SRPK2: variants seen among roughly 807,000 people sequenced by gnomAD.
The protein encoded by SRPK2 is SFRS protein kinase 2.
SRPK2 carries 21 observed loss-of-function variants against 90.8 expected under a neutral mutation model. That is an observed-to-expected ratio of 0.23 (90% CI 0.16 to 0.33). The LOEUF (loss-of-function observed/expected upper bound fraction) is 0.33, where lower values mean the gene tolerates loss of function less well. Ranked by LOEUF, SRPK2 falls within the 10% of genes least tolerant of loss-of-function variation. The pLI is 1.00. For missense variants in SRPK2, 620 were observed against 869.0 expected (o/e 0.71, Z 3.60); for synonymous variants, 288 against 311.1 (o/e 0.93, Z 0.78).
chr7:105,141,937 T>C, intron 11 of SRPK2, 71 bp downstream of exon 11: 1 of 1,526,934 alleles, frequency 6.5e-7, no homozygotes, highest in Non-Finnish European at 8.8e-7. Context: ...AGCCAATTCC[T>C]TCACAGCATT....
intron 2 of SRPK2, among the ~76,000 whole-genome samples, chr7:105,204,391 C>T (rs758911978): frequency 1.3e-5 from 2 of 152,016 alleles, no homozygotes; most frequent in South Asian, 2.1e-4. Flanking sequence ...ATTCTGGAAG[C>T]GGTGTGTGTG....
At position 105,118,096 on chromosome 7, in the gene SRPK2, C is replaced by G. The variant is rs972779217; in HGVS notation, c.1916-74G>C. ...TCCCCATTGTTGGTCCAGTCAGGTT[C>G]TTTTCAGTGAAGCGGACAACCACCT... is the stretch of plus-strand genomic sequence containing the variant. On this transcript the variant is annotated intron_variant, in intron 15 of 15. Transcript: ENST00000393651. 7.8e-6 allele frequency: 12 copies of G among 1,535,264 alleles called. No homozygotes were observed. The African/African-American group carries it at 1.2e-4, about 16-fold the overall frequency.
intron 2 of SRPK2, among the ~76,000 whole-genome samples, chr7:105,327,989 C>T (rs1024492493): frequency 1.3e-5 from 2 of 152,070 alleles, no homozygotes; most frequent in Non-Finnish European, 2.9e-5. Flanking sequence ...GTAGTAAAAA[C>T]GGGGTTTCAG....
intron 7 of SRPK2, among the ~76,000 whole-genome samples, chr7:105,150,652 C>A (rs929814553): frequency 3.3e-5 from 5 of 152,158 alleles, no homozygotes; most frequent in African/African-American, 1.2e-4. Flanking sequence ...TGTTATTCAA[C>A]GACATTCATG....
intron 2 of SRPK2, among the ~76,000 whole-genome samples, chr7:105,296,702 C>A (rs1387848266): frequency 6.6e-6 from 1 of 152,114 alleles, no homozygotes; most frequent in African/African-American, 2.4e-5. Context: ...CTGAGGAAAG[C>A]CTATGAGGCT....
intron 2 of SRPK2, among the ~76,000 whole-genome samples, chr7:105,293,662 T>G (rs922004728): frequency 6.6e-6 from 1 of 152,002 alleles, no homozygotes; most frequent in Non-Finnish European, 1.5e-5. Flanking sequence ...TCAGGTGATC[T>G]ACCCACCTCA....
At chr7:105,274,993 T>G (rs1806298845) in intron 2 of SRPK2, among the ~76,000 whole-genome samples, 1 of 152,070 alleles carries the variant, frequency 6.6e-6, no homozygotes, top group African/African-American at 2.4e-5. Context: ...GTTCAAGCAT[T>G]TCTCCTGCCT....
At chr7:105,197,965 A>C (rs542456351) in intron 3 of SRPK2, among the ~76,000 whole-genome samples, 3 of 152,332 alleles carry the variant, frequency 2.0e-5, no homozygotes, top group Non-Finnish European at 4.4e-5. Flanking sequence ...TCCTACAGTC[A>C]CCATTTAGTA....
intron 2 of SRPK2, among the ~76,000 whole-genome samples, chr7:105,265,522 T>C (rs1164113765): frequency 2.0e-5 from 3 of 152,106 alleles, no homozygotes; most frequent in African/African-American, 7.2e-5. Context: ...GCTATTATGG[T>C]TATTACTACT....
Position 105,333,064 on chromosome 7 carries a change from C to A in SRPK2, c.71+55584G>T, listed in dbSNP as rs1036137692. Among the ~76,000 whole-genome samples, 6 of 152,100 alleles carry A rather than the reference C, an allele frequency of 3.9e-5. No individual in the cohort carries two copies. In the South Asian group the frequency reaches 1.2e-3, roughly 32 times the overall value. ...CAAAAATTAGCTGGGCGTGGTGGCACTCGCCTGTAATCCCAGCCACTTGGG... is the reference window on the plus strand; with the variant it reads ...CAAAAATTAGCTGGGCGTGGTGGCAATCGCCTGTAATCCCAGCCACTTGGG... On this transcript the variant is annotated intron_variant, in intron 2 of 15. Transcript: ENST00000393651.
At chr7:105,341,381 A>AAG (rs1378945356) in intron 2 of SRPK2, among the ~76,000 whole-genome samples, 5 of 44,944 alleles carry the variant, frequency 1.1e-4, no homozygotes, top group Admixed American at 2.3e-4. Flanking sequence ...AAAAAAAAAA[A>AAG]GGGGGAATGT....
rs149372701 is a variant in SRPK2, at chr7:105,267,704, T to G, written c.72-63919A>C. Among the ~76,000 whole-genome samples the G allele has an allele frequency of 2.9e-3, 448 of 152,334 alleles. 6 individuals are homozygous for G. Among genetic ancestry groups the G allele is most frequent in the African/African-American group, 9.3e-3 (386 of 41,582 alleles). On this transcript the variant is annotated intron_variant, in intron 2 of 15. Coordinates refer to ENST00000393651, the MANE Select transcript of SRPK2 (RefSeq NM_182692.3). The stretch of plus-strand genomic sequence containing the variant: ...TTTAAAATGATAATTTTACATCAGA[T>G]TATGTCCTTCATATACTAGCATACT...
At chr7:105,349,539 G>T (rs1434682045) in intron 2 of SRPK2, among the ~76,000 whole-genome samples, 1 of 138,376 alleles carries the variant, frequency 7.2e-6, no homozygotes, top group Non-Finnish European at 1.6e-5. Context: ...AAAAAAAAAA[G>T]AATTAGGAAA....
At chr7:105,204,858 C>A (rs1795996496) in intron 2 of SRPK2, 2 of 455,812 alleles carry the variant, frequency 4.4e-6, no homozygotes, top group African/African-American at 4.0e-5. Context: ...AGACCTAAGC[C>A]CTAGTTGTTG....
intron 2 of SRPK2, among the ~76,000 whole-genome samples, chr7:105,236,313 CACATA>C (rs1373024234): frequency 6.6e-6 from 1 of 152,122 alleles, no homozygotes; most frequent in East Asian, 1.9e-4. Flanking sequence ...GTAGTGTTTT[CACATA>C]ACATATTTCA....
chr7:105,321,650 A>G (rs961436724), intron 2 of SRPK2, among the ~76,000 whole-genome samples: 2 of 152,204 alleles, frequency 1.3e-5, no homozygotes, highest in African/African-American at 4.8e-5. Flanking sequence ...TTTTAATAGA[A>G]TCTCTCAAAT....
intron 2 of SRPK2, chr7:105,205,001 A>T (rs2129610582): frequency 4.0e-6 from 1 of 252,084 alleles, no homozygotes; most frequent in Middle Eastern, 1.5e-3. Context: ...GTCAAAGCTC[A>T]CTCTTCAGCC....
At chr7:105,348,831 G>T (rs559458137) in intron 2 of SRPK2, among the ~76,000 whole-genome samples, 9 of 151,752 alleles carry the variant, frequency 5.9e-5, no homozygotes, top group African/African-American at 2.2e-4. Context: ...ACTGAAAACA[G>T]AAAATAAAAA....
intron 3 of SRPK2, among the ~76,000 whole-genome samples, chr7:105,192,562 CAGTT>C (rs1434447776): frequency 6.6e-6 from 1 of 152,170 alleles, no homozygotes; most frequent in African/African-American, 2.4e-5. Context: ...GGTAGATACT[CAGTT>C]AGTGGGATTG....
Sources: allele counts gnomAD v4.1 joint callset (sites outside exome capture counted in the v4.1 genomes callset), GRCh38; gene constraint gnomAD v4.1.1; transcripts MANE v1.5; gene names NCBI Gene and HGNC (gene_info 2026-07-23, HGNC 2026-07-21).